ADGRV1: variants seen among roughly 807,000 people sequenced by gnomAD.
ADGRV1 encodes the protein G-protein coupled receptor 98.
A neutral mutation model predicts 596.2 loss-of-function variants in ADGRV1; 359 were observed. That is an observed-to-expected ratio of 0.60 (90% confidence interval 0.55 to 0.66). ADGRV1 has a LOEUF of 0.66. ADGRV1 is among the 30% of genes least tolerant of loss of function. The pLI is 0.00. For missense variants in ADGRV1, 7,274 were observed against 7,575.6 expected, an observed-to-expected ratio of 0.96 and a Z score of 1.48; for synonymous variants, 2,681 against 2,679.2, an observed-to-expected ratio of 1.00 and a Z score of -0.02.
chr5:90,791,152 A>T lies in ADGRV1; in HGVS notation c.14323A>T (p.Ile4775Phe), dbSNP rs774816826. The T allele has an allele frequency of 7.4e-6, 12 of 1,613,860 alleles. No individual in the cohort carries two copies. The highest frequency in any genetic ancestry group is 1.7e-6 in the Non-Finnish European group (2 of 1,179,902). Residue 4775 changes from isoleucine to phenylalanine, a missense_variant, in exon 70 of 90, where the codon ATT becomes TTT. By Grantham distance (21) the Ile-to-Phe change is conservative. Around this residue, in one of 5 missense-constraint regions of ADGRV1, gnomAD observed 1,874 missense variants for 1,970.2 expected, o/e 0.95. Transcript: ENST00000405460. The part of the protein sequence containing the change: ...ALYSDRQSIL[I>F]GQNLIRSIQI... ...GTATTCGGATCGCCAGTCAATACTTATTGGGCAGAACCTTATTAGATCCAT... is the reference window on the plus strand; with the variant it reads ...GTATTCGGATCGCCAGTCAATACTTTTTGGGCAGAACCTTATTAGATCCAT...
chr5:91,060,090 C>A (rs777492413), intron 85 of ADGRV1, among the ~76,000 whole-genome samples: 10 of 152,124 alleles, frequency 6.6e-5, no homozygotes, highest in Non-Finnish European at 1.2e-4. Flanking sequence ...GGATTTGAGA[C>A]ATAAGTCATC....
chr5:90,800,817 C>G (rs779238213), intron 70 of ADGRV1, among the ~76,000 whole-genome samples: 2 of 152,098 alleles, frequency 1.3e-5, no homozygotes, highest in Non-Finnish European at 2.9e-5. Context: ...CAAACTAACA[C>G]AAGAACAGAA....
chr5:91,133,542 A>C (rs772239239), intron 87 of ADGRV1, among the ~76,000 whole-genome samples: 1 of 152,242 alleles, frequency 6.6e-6, no homozygotes, highest in Non-Finnish European at 1.5e-5. Flanking sequence ...AAGGAGAACC[A>C]TGTACTTGAA....
chr5:90,976,207 TGTGA>T (rs1190764857), intron 84 of ADGRV1, among the ~76,000 whole-genome samples: 50 of 132,192 alleles, frequency 3.8e-4, no homozygotes, highest in Middle Eastern at 3.8e-3. Context: ...TGTTCTTGTG[TGTGA>T]GTGTGTATAT....
intron 50 of ADGRV1, among the ~76,000 whole-genome samples, chr5:90,731,197 A>G (rs899027249): frequency 7.9e-5 from 12 of 152,178 alleles, no homozygotes; most frequent in Admixed American, 1.3e-4. Flanking sequence ...GGAAGCTTAC[A>G]GTCATGGCAG....
chr5:90,731,339 G>A (rs1483506142), intron 50 of ADGRV1, among the ~76,000 whole-genome samples: 4 of 152,126 alleles, frequency 2.6e-5, no homozygotes, highest in Non-Finnish European at 5.9e-5. Context: ...AGCAGCAAGC[G>A]GGAAATCCGC....
intron 77 of ADGRV1, among the ~76,000 whole-genome samples, chr5:90,834,353 T>C (rs1239561589): frequency 1.3e-5 from 2 of 152,160 alleles, no homozygotes; most frequent in African/African-American, 4.8e-5. Flanking sequence ...ATCTCTCAGC[T>C]TTGTTTGTCT....
At chr5:90,578,855 C>G (rs1272820898) in intron 1 of ADGRV1, among the ~76,000 whole-genome samples, 1 of 151,650 alleles carries the variant, frequency 6.6e-6, no homozygotes, top group East Asian at 2.0e-4. Flanking sequence ...TGTATGTGTC[C>G]AGGAATTTAT....
At position 90,705,543 on chromosome 5, in the gene ADGRV1, A is replaced by G; in HGVS notation, c.8530A>G (p.Ile2844Val). The G allele has an allele frequency of 3.7e-6, 6 of 1,613,864 alleles. No individual in the cohort carries two copies. The highest frequency in any genetic ancestry group is 5.1e-6 in the Non-Finnish European group (6 of 1,179,800). The part of the protein sequence containing the change: ...FVLLQEANIT[I>V]QLFINREFGS... ...GTTACTACAAGAGGCTAACATAACA[A>G]TTCAGCTTTTCATCAACAGAGAATT... Residue 2844 changes from isoleucine (I) to valine (V), a missense_variant, in exon 37 of 90, where the codon ATT becomes GTT. Ile to Val is a conservative substitution (Grantham distance 29, BLOSUM62 3). This residue lies in a region of ADGRV1 where 3,643 missense variants were observed against 3,809.2 expected (regional missense o/e 0.96). Transcript: ENST00000405460.
Position 90,653,776 on chromosome 5 carries a change from A to T in ADGRV1, c.4202A>T (p.Lys1401Ile), listed in dbSNP as rs1464717917. 4 of 1,613,452 alleles carry T rather than the reference A, an allele frequency of 2.5e-6. No individual in the cohort carries two copies. The highest frequency in any genetic ancestry group is 3.4e-6 in the Non-Finnish European group (4 of 1,179,672). The change falls in exon 20 of 90, where the codon AAA becomes ATA. Residue 1401 changes from lysine (K) to isoleucine (I), a missense_variant. Coordinates refer to ENST00000405460, the MANE Select transcript of ADGRV1 (RefSeq NM_032119.4). ...CATGTGACACTTTCCCTTCATTATA[A>T]AACCTTGGGTTCCAATGCTACATAC... ...ESHVTLSLHY[K>I]TLGSNATYIA...
Position 90,642,752 on chromosome 5 carries a change from A to G in ADGRV1, c.2357A>G (p.Tyr786Cys), listed in dbSNP as rs377131400. The G allele has an allele frequency of 6.2e-7, 1 of 1,612,254 alleles. No homozygotes were observed. Among genetic ancestry groups the G allele is most frequent in the Non-Finnish European group, 8.5e-7 (1 of 1,179,238 alleles). Residue 786 changes from tyrosine to cysteine, a missense_variant, in exon 12 of 90, where the codon TAT becomes TGT. Around this residue, in one of 5 missense-constraint regions of ADGRV1, gnomAD observed 1,715 missense variants for 1,708.8 expected, o/e 1.00. Transcript: ENST00000405460. ...FEFSPASRGP[Y>C]VIKEGESVEL... ...TTTTCTCCTGCTTCCAGAGGACCCTATGTTATAAAAGTAAGTACGAAAAAA... is the reference window on the plus strand; with the variant it reads ...TTTTCTCCTGCTTCCAGAGGACCCTGTGTTATAAAAGTAAGTACGAAAAAA...
At chr5:91,022,088 T>C (rs897383153) in intron 85 of ADGRV1, among the ~76,000 whole-genome samples, 2 of 152,038 alleles carry the variant, frequency 1.3e-5, no homozygotes, top group Admixed American at 1.3e-4. Flanking sequence ...CTTTTTGAAA[T>C]TGAAAAAACA....
intron 83 of ADGRV1, among the ~76,000 whole-genome samples, chr5:90,946,506 G>A (rs1013987388): frequency 6.6e-6 from 1 of 152,046 alleles, no homozygotes. Flanking sequence ...ACGTAGGTTT[G>A]TTACGTAGGT....
chr5:90,649,078 A>C (rs1768217444), intron 17 of ADGRV1, among the ~76,000 whole-genome samples: 1 of 152,142 alleles, frequency 6.6e-6, no homozygotes, highest in Non-Finnish European at 1.5e-5. Context: ...ATCTCGGCTC[A>C]CTGCAACCTC....
chr5:90,759,302 A>C, intron 57 of ADGRV1, 107 bp from the exon 58 acceptor site: 1 of 851,256 alleles, frequency 1.2e-6, no homozygotes, highest in Non-Finnish European at 1.8e-6. Context: ...CTAAAAAATT[A>C]AAATATATGT....
chr5:91,051,838 G>A (rs1021316437), intron 85 of ADGRV1, among the ~76,000 whole-genome samples: 4 of 152,176 alleles, frequency 2.6e-5, no homozygotes, highest in Non-Finnish European at 5.9e-5. Flanking sequence ...TGGCATCCTT[G>A]TTTATGTAAG....
intron 52 of ADGRV1, among the ~76,000 whole-genome samples, chr5:90,746,530 C>G (rs542126095): frequency 6.6e-6 from 1 of 152,256 alleles, no homozygotes; most frequent in Non-Finnish European, 1.5e-5. Context: ...ACACCAAGAG[C>G]ATGTCCTCAG....
intron 84 of ADGRV1, among the ~76,000 whole-genome samples, chr5:90,980,986 C>T (rs971510208): frequency 1.3e-5 from 2 of 151,866 alleles, no homozygotes; most frequent in African/African-American, 4.8e-5. Flanking sequence ...AGATGTGAAC[C>T]CTGAAAATTT....
At chr5:90,930,568 T>C (rs2150801618) in intron 83 of ADGRV1, among the ~76,000 whole-genome samples, 1 of 152,304 alleles carries the variant, frequency 6.6e-6, no homozygotes, top group East Asian at 1.9e-4. Context: ...GTGTCTTTTT[T>C]AACCAAAGAA....
Sources: gnomAD v4.1 joint callset for allele counts (sites outside exome capture counted in the v4.1 genomes callset) on GRCh38, gnomAD v4.1.1 for gene constraint, gnomAD v4.1.1 regional missense constraint, MANE v1.5 for transcripts, NCBI Gene and HGNC (gene_info 2026-07-23, HGNC 2026-07-21) for gene names.